The following IMMP2L variants were observed in gnomAD, a reference collection of about 807,000 sequenced individuals.
IMMP2L encodes the protein inner mitochondrial membrane peptidase subunit 2, also known as mitochondrial inner membrane protease subunit 2.
A neutral mutation model predicts 19.3 loss-of-function variants in IMMP2L; 18 were observed. The ratio of observed to expected loss-of-function variants is 0.93; its 90% CI spans 0.64 to 1.38. IMMP2L has a LOEUF of 1.38. IMMP2L is among the 40% of genes most tolerant of loss of function. The pLI, the probability that IMMP2L is intolerant of heterozygous loss-of-function variation, is 0.00. For missense variants in IMMP2L, 233 were observed against 218.2 expected (o/e 1.07, Z -0.43); for synonymous variants, 76 against 73.0 (o/e 1.04, Z -0.21).
intron 4 of IMMP2L, among the ~76,000 whole-genome samples, chr7:110,917,060 C>T (rs1813690781): frequency 6.6e-6 from 1 of 152,102 alleles, no homozygotes; most frequent in Admixed American, 6.6e-5. Context: ...TATCTGGGTG[C>T]ATCCTACATT....
chr7:110,952,600 T>C (rs1817945733), intron 4 of IMMP2L, among the ~76,000 whole-genome samples: 1 of 152,152 alleles, frequency 6.6e-6, no homozygotes, highest in Non-Finnish European at 1.5e-5. Context: ...AAAGAAGTTT[T>C]GTCAAAAGTA....
chr7:110,672,039 A>G (rs1404491990), intron 5 of IMMP2L, among the ~76,000 whole-genome samples: 4 of 152,128 alleles, frequency 2.6e-5, no homozygotes, highest in Admixed American at 2.6e-4. Flanking sequence ...AAAAACAAAA[A>G]AAGATTTTCA....
chr7:111,460,647 T>C (rs1585195495), intron 3 of IMMP2L, among the ~76,000 whole-genome samples: 1 of 152,028 alleles, frequency 6.6e-6, no homozygotes, highest in Non-Finnish European at 1.5e-5. Flanking sequence ...AAATCCTTCT[T>C]TGATATTATT....
At chr7:110,748,797 T>C (rs1584710828) in intron 5 of IMMP2L, among the ~76,000 whole-genome samples, 1 of 152,254 alleles carries the variant, frequency 6.6e-6, no homozygotes, top group Middle Eastern at 3.4e-3. Context: ...ATAAAAACCC[T>C]AGAAGAAAAC....
At chr7:111,041,278 A>AG (rs1459783208) in intron 3 of IMMP2L, among the ~76,000 whole-genome samples, 2 of 152,304 alleles carry the variant, frequency 1.3e-5, no homozygotes, top group African/African-American at 4.8e-5. Context: ...ATAAGTTTAC[A>AG]GAAAAAAAGG....
chr7:111,281,789 A>G (rs1425083315), intron 3 of IMMP2L, among the ~76,000 whole-genome samples: 1 of 152,212 alleles, frequency 6.6e-6, no homozygotes, highest in Admixed American at 6.5e-5. Flanking sequence ...ATTTGATTTC[A>G]TACAGTGAAG....
At chr7:110,702,348 C>A (rs1794343769) in intron 5 of IMMP2L, among the ~76,000 whole-genome samples, 1 of 152,076 alleles carries the variant, frequency 6.6e-6, no homozygotes, top group Non-Finnish European at 1.5e-5. Flanking sequence ...TATACATATA[C>A]ATGTTCACAG....
intron 3 of IMMP2L, among the ~76,000 whole-genome samples, chr7:111,016,390 T>G (rs1310747912): frequency 7.0e-6 from 1 of 142,136 alleles, no homozygotes; most frequent in Admixed American, 7.4e-5. Context: ...TGATATATAT[T>G]TTTATATATT....
At chr7:111,525,959 A>G (rs1249625221) in intron 1 of IMMP2L, among the ~76,000 whole-genome samples, 1 of 152,104 alleles carries the variant, frequency 6.6e-6, no homozygotes, top group Non-Finnish European at 1.5e-5. Context: ...TCAGAAAATG[A>G]TCAAGGAAGG....
chr7:111,319,930 T>C (rs1307144710), intron 3 of IMMP2L, among the ~76,000 whole-genome samples: 4 of 152,030 alleles, frequency 2.6e-5, no homozygotes, highest in African/African-American at 9.7e-5. Context: ...TATTTTTCTC[T>C]TTTATTTTTA....
At chr7:110,813,748 A>ATTTT (rs3051188) in intron 5 of IMMP2L, among the ~76,000 whole-genome samples, 26 of 149,562 alleles carry the variant, frequency 1.7e-4, no homozygotes, top group African/African-American at 2.7e-4. Flanking sequence ...ACACACCAGG[A>ATTTT]TTTTTTTTTT....
At chr7:110,688,470 A>C (rs185632458) in intron 5 of IMMP2L, among the ~76,000 whole-genome samples, 21 of 152,230 alleles carry the variant, frequency 1.4e-4, no homozygotes, top group African/African-American at 4.6e-4. Context: ...TTTCCTTAGC[A>C]AAAAATTAAT....
intron 3 of IMMP2L, among the ~76,000 whole-genome samples, chr7:111,063,878 A>G (rs140045537): frequency 8.7e-4 from 132 of 152,296 alleles, no homozygotes; most frequent in African/African-American, 3.0e-3. Flanking sequence ...AAGCCATTCT[A>G]CAAGTCTCTA....
chr7:111,158,045 A>G (rs958099288), intron 3 of IMMP2L, among the ~76,000 whole-genome samples: 4 of 151,910 alleles, frequency 2.6e-5, no homozygotes, highest in African/African-American at 9.7e-5. Flanking sequence ...TTAGCACTAC[A>G]TTTCTGTCAG....
At chr7:111,320,758 T>C (rs985831671) in intron 3 of IMMP2L, among the ~76,000 whole-genome samples, 1 of 152,034 alleles carries the variant, frequency 6.6e-6, no homozygotes, top group Admixed American at 6.6e-5. Context: ...AAGAAAACAT[T>C]GTTAGACTTC....
At chr7:111,451,251 A>G (rs1412402369) in intron 3 of IMMP2L, among the ~76,000 whole-genome samples, 1 of 148,274 alleles carries the variant, frequency 6.7e-6, no homozygotes, top group African/African-American at 2.6e-5. Flanking sequence ...TGCTATAAAG[A>G]CACATGCACA....
At chr7:111,091,521 C>T (rs1271501268) in intron 3 of IMMP2L, 5 of 152,172 alleles carry the variant, frequency 3.3e-5, no homozygotes, top group African/African-American at 1.2e-4. Context: ...TTAAAATACA[C>T]ATATATTTTA....
At chr7:110,769,906 C>T (rs2131015378) in intron 5 of IMMP2L, among the ~76,000 whole-genome samples, 1 of 152,144 alleles carries the variant, frequency 6.6e-6, no homozygotes, top group African/African-American at 2.4e-5. Flanking sequence ...ACTCATCTGA[C>T]TGACTTAGCA....
intron 3 of IMMP2L, among the ~76,000 whole-genome samples, chr7:111,023,993 T>G (rs2129567441): frequency 6.6e-6 from 1 of 152,304 alleles, no homozygotes; most frequent in African/African-American, 2.4e-5. Context: ...AAAAGCAAAC[T>G]ATTATCAGTA....
Sources: gnomAD v4.1 joint callset for allele counts (sites outside exome capture counted in the v4.1 genomes callset) on GRCh38, gnomAD v4.1.1 for gene constraint, MANE v1.5 for transcripts, NCBI Gene and HGNC (gene_info 2026-07-23, HGNC 2026-07-21) for gene names.